SUGCT: variants seen among roughly 807,000 people sequenced by gnomAD.
SUGCT encodes the protein succinyl-CoA:glutarate-CoA transferase.
SUGCT carries 41 observed loss-of-function variants against 55.0 expected under a neutral mutation model. That is an observed-to-expected ratio of 0.74 (90% CI 0.58 to 0.97). The LOEUF (loss-of-function observed/expected upper bound fraction) is 0.97. SUGCT is among the 50% of genes least tolerant of loss of function. The probability of loss-of-function intolerance (pLI) is 0.00; values close to 1 mark genes in which losing one functional copy is unlikely to be tolerated. For missense variants in SUGCT, 568 were observed against 547.8 expected, an observed-to-expected ratio of 1.04 and a Z score of -0.37; for synonymous variants, 187 against 200.4, an observed-to-expected ratio of 0.93 and a Z score of 0.56.
intron 12 of SUGCT, among the ~76,000 whole-genome samples, chr7:40,656,738 G>A (rs975174166): frequency 2.6e-5 from 4 of 152,136 alleles, no homozygotes; most frequent in Non-Finnish European, 5.9e-5. Flanking sequence ...CACTGTTCTC[G>A]AAACATTAGA....
rs370219826 is a variant in SUGCT, at chr7:40,749,475, T to C, written c.1131T>C (p.Thr377=). 3.7e-5 allele frequency: 60 copies of C among 1,613,854 alleles called. No individual in the cohort carries two copies. The highest frequency in any genetic ancestry group is 3.3e-4 in the Middle Eastern group (2 of 6,058). The change falls in exon 13 of 14, where the codon ACT becomes ACC. Residue 377 remains threonine (T), a synonymous_variant. Coordinates refer to ENST00000335693, the MANE Select transcript of SUGCT (RefSeq NM_001193313.2). ...NGLVMEMEHP[T]VGKISVPGPA... ...TCGTTATGGAGATGGAGCATCCAAC[T>C]GTGGGGAAGATTTCCGTCCCAGGTC...
chr7:40,304,756 AATAATC>A (rs55872111), intron 8 of SUGCT, among the ~76,000 whole-genome samples: 63,231 of 124,280 alleles, frequency 0.51, 14,126 homozygotes, highest in African/African-American at 0.6. Context: ...TAATAATAAT[AATAATC>A]ATCCAGGTTG....
chr7:40,289,971 G>A (rs1430914898), intron 8 of SUGCT, among the ~76,000 whole-genome samples: 1 of 152,136 alleles, frequency 6.6e-6, no homozygotes. Context: ...CCTCTTCAAG[G>A]AGAACTACAA....
chr7:40,985,737 C>T, the SUGCT span, among the ~76,000 whole-genome samples: 1 of 152,156 alleles, frequency 6.6e-6, no homozygotes, highest in African/African-American at 2.4e-5. Flanking sequence ...TAACAGGGAA[C>T]TGTTGAAGGT....
intron 10 of SUGCT, among the ~76,000 whole-genome samples, chr7:40,458,699 T>A (rs950541007): frequency 6.6e-6 from 1 of 152,234 alleles, no homozygotes; most frequent in Non-Finnish European, 1.5e-5. Flanking sequence ...TACATGTAGA[T>A]ATGCACTTAG....
At chr7:40,621,258 G>A (rs1337518398) in intron 12 of SUGCT, among the ~76,000 whole-genome samples, 1 of 152,096 alleles carries the variant, frequency 6.6e-6, no homozygotes, top group Admixed American at 6.5e-5. Context: ...CTAGCCCAGC[G>A]AACACAGCAG....
intron 7 of SUGCT, among the ~76,000 whole-genome samples, chr7:40,251,331 G>A (rs1253622402): frequency 6.6e-6 from 1 of 152,062 alleles, no homozygotes; most frequent in African/African-American, 2.4e-5. Flanking sequence ...GTGCTGTCAG[G>A]TACTTTTACT....
Position 40,412,761 on chromosome 7 carries a change from T to A in SUGCT, c.817-36526T>A, listed in dbSNP as rs146061508. Among the ~76,000 whole-genome samples the A allele has an allele frequency of 6.4e-4, 97 of 152,288 alleles. 1 individual carries two copies. The East Asian group carries it at 0.016, about 25-fold the overall frequency. On this transcript the variant is annotated intron_variant, in intron 9 of 13. Coordinates refer to ENST00000335693, the MANE Select transcript of SUGCT (RefSeq NM_001193313.2). ...CTGTATTAAGGCATTCTTCTCTCCTTACTTTGTTTTAATGGTTCTGCTAAT... is the reference window on the plus strand; with the variant it reads ...CTGTATTAAGGCATTCTTCTCTCCTAACTTTGTTTTAATGGTTCTGCTAAT...
the SUGCT span, among the ~76,000 whole-genome samples, chr7:40,890,065 T>C: frequency 6.6e-6 from 1 of 151,758 alleles, no homozygotes; most frequent in Non-Finnish European, 1.5e-5. Flanking sequence ...GAGCACTGAT[T>C]CAATCATTGA....
intron 8 of SUGCT, among the ~76,000 whole-genome samples, chr7:40,290,363 C>T (rs1398454319): frequency 1.3e-5 from 2 of 152,162 alleles, no homozygotes; most frequent in African/African-American, 4.8e-5. Flanking sequence ...ATATCTACAA[C>T]CATCTGATCT....
At chr7:41,002,034 GTTTAT>G in the SUGCT span, among the ~76,000 whole-genome samples, 1 of 151,976 alleles carries the variant, frequency 6.6e-6, no homozygotes, top group Admixed American at 6.6e-5. Flanking sequence ...TTTTTTGTTT[GTTTAT>G]TTTGAGAGTC....
chr7:40,345,691 A>C (rs981821984), intron 9 of SUGCT, among the ~76,000 whole-genome samples: 1 of 152,074 alleles, frequency 6.6e-6, no homozygotes, highest in Non-Finnish European at 1.5e-5. Context: ...TCTGAAATCT[A>C]TATCTGAGAG....
intron 11 of SUGCT, among the ~76,000 whole-genome samples, chr7:40,488,566 A>T (rs575677977): frequency 6.6e-6 from 1 of 152,218 alleles, no homozygotes; most frequent in Admixed American, 6.5e-5. Context: ...TACTTTTATC[A>T]GTGAGTTTTA....
intron 9 of SUGCT, among the ~76,000 whole-genome samples, chr7:40,411,883 C>G (rs1054595230): frequency 6.6e-6 from 1 of 151,910 alleles, no homozygotes; most frequent in African/African-American, 2.4e-5. Context: ...ATATGCAGCC[C>G]CCAAATATGT....
chr7:40,172,846 C>T (rs1251794243), intron 1 of SUGCT, among the ~76,000 whole-genome samples: 2 of 152,166 alleles, frequency 1.3e-5, no homozygotes, highest in Non-Finnish European at 2.9e-5. Context: ...AGCCTCACAC[C>T]TGAGTGTTAA....
chr7:40,945,261 C>A, the SUGCT span, among the ~76,000 whole-genome samples: 1 of 152,056 alleles, frequency 6.6e-6, no homozygotes, highest in African/African-American at 2.4e-5. Context: ...GCCAAGCCAG[C>A]AGAAAAGTGG....
At chr7:40,310,749 A>G (rs1348593314) in intron 8 of SUGCT, among the ~76,000 whole-genome samples, 2 of 152,132 alleles carry the variant, frequency 1.3e-5, no homozygotes, top group African/African-American at 2.4e-5. Flanking sequence ...TTTATCTTCT[A>G]TTGTTATATA....
chr7:40,735,797 T>C (rs532015921), intron 12 of SUGCT, among the ~76,000 whole-genome samples: 83 of 152,258 alleles, frequency 5.5e-4, no homozygotes, highest in African/African-American at 1.7e-3. Context: ...TTGACCATGG[T>C]TCTTGAAAAT....
the SUGCT span, among the ~76,000 whole-genome samples, chr7:40,985,489 TG>T: frequency 2.6e-5 from 4 of 151,998 alleles, no homozygotes; most frequent in Non-Finnish European, 4.4e-5. Flanking sequence ...GGAGTAAATG[TG>T]GGGGAAAAAA....
Sources: gnomAD v4.1 joint callset for allele counts (sites outside exome capture counted in the v4.1 genomes callset) on GRCh38, gnomAD v4.1.1 for gene constraint, MANE v1.5 for transcripts, NCBI Gene and HGNC (gene_info 2026-07-23, HGNC 2026-07-21) for gene names.